The following ABI1 variants were observed in gnomAD, a reference collection of about 807,000 sequenced individuals.
ABI1 encodes abl interactor 1, also known as Abelson interactor 1.
Under a neutral mutation model 54.6 loss-of-function variants are expected in ABI1, and 14 were observed. The observed-to-expected ratio is 0.26, with a 90% CI of 0.17 to 0.40. ABI1 has a LOEUF of 0.40. ABI1 is among the 10% of genes least tolerant of loss of function. The pLI, the probability that ABI1 is intolerant of heterozygous loss-of-function variation, is 1.00. For missense variants in ABI1, 443 were observed against 598.3 expected (o/e 0.74, Z 2.71); for synonymous variants, 194 against 209.3 (o/e 0.93, Z 0.63).
intron 10 of ABI1, among the ~76,000 whole-genome samples, chr10:26,750,542 T>C (rs1837491989): frequency 6.6e-6 from 1 of 152,068 alleles, no homozygotes; most frequent in African/African-American, 2.4e-5. Flanking sequence ...TTGCCACATA[T>C]CCAAAACTTG....
intron 2 of ABI1, among the ~76,000 whole-genome samples, chr10:26,801,837 T>C (rs1356858305): frequency 6.6e-6 from 1 of 152,214 alleles, no homozygotes; most frequent in African/African-American, 2.4e-5. Flanking sequence ...CATGCATGCA[T>C]GCTAGACAAT....
intron 2 of ABI1, among the ~76,000 whole-genome samples, chr10:26,791,047 G>C (rs1010805245): frequency 5.4e-5 from 7 of 129,368 alleles, no homozygotes; most frequent in African/African-American, 2.2e-4. Flanking sequence ...CTACAGCCCA[G>C]GTAAGAGTAA....
rs1376513241 is a variant in ABI1, at chr10:26,759,141, G to A, written c.918C>T (p.Tyr306=). 3 of 1,614,128 alleles carry A rather than the reference G, an allele frequency of 1.9e-6. No homozygotes were observed. The highest frequency in any genetic ancestry group is 2.5e-6 in the Non-Finnish European group (3 of 1,179,996). ...GAGCAGTCACAGAGGGAGTTCGTCT[G>A]TATCCACCAGAAGATGTCGAAGAAG... ...STTSSTSSGG[Y]RRTPSVTAQF... Residue 306 remains tyrosine, a synonymous_variant, in exon 8 of 11, where the codon TAC becomes TAT. Coordinates refer to ENST00000376140, the MANE Select transcript of ABI1 (RefSeq NM_001012750.3).
At chr10:26,855,548 A>G (rs2134306824) in intron 1 of ABI1, among the ~76,000 whole-genome samples, 1 of 152,348 alleles carries the variant, frequency 6.6e-6, no homozygotes, top group South Asian at 2.1e-4. Context: ...AGGATTAAAG[A>G]TAATACAAAA....
In ABI1 at chr10:26,806,386, C is replaced by T. The variant is rs532002887; in HGVS notation, c.285+16752G>A. On this transcript the variant is annotated intron_variant, in intron 2 of 10. Coordinates refer to ENST00000376140, the MANE Select transcript of ABI1 (RefSeq NM_001012750.3). ...GTAAGTCAAGAAATAAGGTTTTTTTCCAAATTGATGCTCCAGTGTCCATTC... is the reference window on the plus strand; with the variant it reads ...GTAAGTCAAGAAATAAGGTTTTTTTTCAAATTGATGCTCCAGTGTCCATTC... Among the ~76,000 whole-genome samples the T allele has an allele frequency of 1.4e-3, 213 of 152,120 alleles. 1 individual carries two copies. The highest frequency in any genetic ancestry group is 4.7e-3 in the African/African-American group (196 of 41,522).
intron 2 of ABI1, among the ~76,000 whole-genome samples, chr10:26,792,092 G>A (rs987732984): frequency 5.3e-5 from 8 of 152,076 alleles, no homozygotes; most frequent in African/African-American, 1.4e-4. Context: ...ACATACATGC[G>A]ATTTAAAAAA....
chr10:26,852,201 C>T (rs1280418774), intron 1 of ABI1, among the ~76,000 whole-genome samples: 1 of 152,156 alleles, frequency 6.6e-6, no homozygotes, highest in African/African-American at 2.4e-5. Context: ...GAATCTGGGC[C>T]GAGCACGGTG....
chr10:26,808,120 G>C (rs2046991538), intron 2 of ABI1, among the ~76,000 whole-genome samples: 1 of 151,962 alleles, frequency 6.6e-6, no homozygotes, highest in Non-Finnish European at 1.5e-5. Flanking sequence ...AACCAACCAG[G>C]GCTATTTCAT....
chr10:26,813,290 T>C (rs1437384332), intron 2 of ABI1, among the ~76,000 whole-genome samples: 1 of 150,926 alleles, frequency 6.6e-6, no homozygotes, highest in Middle Eastern at 3.2e-3. Context: ...TTTAAGAAAC[T>C]GGCTGAGGAA....
chr10:26,841,399 C>CT (rs34398117), intron 1 of ABI1, among the ~76,000 whole-genome samples: 55,710 of 140,026 alleles, frequency 0.4, 13,476 homozygotes, highest in Non-Finnish European at 0.55. Flanking sequence ...ACATAGTTAC[C>CT]TTTTTTTTTT....
At chr10:26,768,094 C>A (rs1454886757) in intron 6 of ABI1, among the ~76,000 whole-genome samples, 3 of 151,944 alleles carry the variant, frequency 2.0e-5, no homozygotes, top group African/African-American at 7.3e-5. Flanking sequence ...TTCTAGTATA[C>A]TGATTCTCTT....
rs533639303 is a variant in ABI1 at position 26,860,902 on chromosome 10, G to A, written c.-39C>T. On this transcript the variant is annotated 5_prime_UTR_variant, in exon 1 of 11. Transcript: ENST00000376140. The surrounding 1 kb of genome is among the most constrained non-coding windows in gnomAD (Gnocchi z 4.1). ...GCATCGCTTCCTCTCGCGTTAAAGA[G>A]ACAGAGGCAGCAAGGTCCGCCGAGG... 8 of 1,587,956 alleles carry A rather than the reference G, an allele frequency of 5.0e-6. No individual in the cohort carries two copies. The African/African-American group carries it at 9.4e-5, about 19-fold the overall frequency.
intron 2 of ABI1, among the ~76,000 whole-genome samples, chr10:26,818,299 C>T (rs1337141998): frequency 4.0e-5 from 6 of 149,086 alleles, no homozygotes; most frequent in African/African-American, 1.2e-4. Flanking sequence ...CATATTAAAT[C>T]TCATTCAAAG....
At chr10:26,779,005 A>G (rs1841775581) in intron 2 of ABI1, among the ~76,000 whole-genome samples, 1 of 152,204 alleles carries the variant, frequency 6.6e-6, no homozygotes, top group South Asian at 2.1e-4. Flanking sequence ...GCCATGAGTA[A>G]TGATGTCCTT....
chr10:26,834,015 G>T (rs1038623545), intron 1 of ABI1, among the ~76,000 whole-genome samples: 6 of 152,068 alleles, frequency 3.9e-5, no homozygotes, highest in South Asian at 2.1e-4. Flanking sequence ...GATCACCTGA[G>T]GTCAGGAGTT....
chr10:26,798,908 T>A (rs2046367998), intron 2 of ABI1, among the ~76,000 whole-genome samples: 1 of 150,676 alleles, frequency 6.6e-6, no homozygotes, highest in Admixed American at 6.6e-5. Flanking sequence ...AGGAAAAAAA[T>A]TCACCACAAG....
chr10:26,819,512 T>C (rs2047824552), intron 2 of ABI1, among the ~76,000 whole-genome samples: 1 of 152,210 alleles, frequency 6.6e-6, no homozygotes, highest in Admixed American at 6.5e-5. Flanking sequence ...CCTTAATAAT[T>C]GATAAAACAA....
chr10:26,816,852 A>C (rs947281355), intron 2 of ABI1, among the ~76,000 whole-genome samples: 1 of 152,166 alleles, frequency 6.6e-6, no homozygotes, highest in Non-Finnish European at 1.5e-5. Flanking sequence ...ATTTTTTATA[A>C]TCTCCAATAA....
At chr10:26,780,110 C>T (rs1488533583) in intron 2 of ABI1, among the ~76,000 whole-genome samples, 1 of 152,088 alleles carries the variant, frequency 6.6e-6, no homozygotes, top group African/African-American at 2.4e-5. Context: ...TGCCATTGTG[C>T]AGATCAAGCC....
Sources: gnomAD v4.1 joint callset for allele counts (sites outside exome capture counted in the v4.1 genomes callset) on GRCh38, gnomAD v4.1.1 for gene constraint, Gnocchi (gnomAD v3.1) non-coding constraint, MANE v1.5 for transcripts, NCBI Gene and HGNC (gene_info 2026-07-23, HGNC 2026-07-21) for gene names.